The following ZDHHC15 variants were observed in gnomAD, a reference collection of about 807,000 sequenced individuals.
ZDHHC15 encodes the protein palmitoyltransferase ZDHHC15.
ZDHHC15 carries 19 observed loss-of-function variants against 31.7 expected under a neutral mutation model. The ratio of observed to expected loss-of-function variants is 0.60; its 90% confidence interval spans 0.42 to 0.88. ZDHHC15 has a LOEUF of 0.88. Ranked by LOEUF, ZDHHC15 falls within the 40% of genes least tolerant of loss-of-function variation. The pLI, the probability that ZDHHC15 is intolerant of heterozygous loss-of-function variation, is 0.00. For missense variants in ZDHHC15, 209 were observed against 251.2 expected (o/e 0.83, Z 1.14); for synonymous variants, 103 against 90.0 (o/e 1.14, Z -0.82).
At chrX:75,444,820 G>A (rs747429826) in intron 4 of ZDHHC15, among the ~76,000 whole-genome samples, 18 of 106,534 alleles carry the variant, frequency 1.7e-4, no homozygotes, top group Middle Eastern at 4.9e-3. Context: ...AAAATTCAGA[G>A]GAAGGGAGAA....
chrX:75,396,009 G>T (rs1023908840), intron 10 of ZDHHC15, among the ~76,000 whole-genome samples: 1 of 112,069 alleles, frequency 8.9e-6, no homozygotes, highest in Non-Finnish European at 1.9e-5. Flanking sequence ...ATAGATTAAA[G>T]ACCTAACTCT....
intron 9 of ZDHHC15, among the ~76,000 whole-genome samples, chrX:75,420,391 G>C (rs1326220253): frequency 9.0e-6 from 1 of 111,541 alleles, no homozygotes; most frequent in African/African-American, 3.3e-5. Context: ...GTGGAAGACT[G>C]TGTGGCAATT....
At chrX:75,419,790 T>A (rs1198166779) in intron 9 of ZDHHC15, among the ~76,000 whole-genome samples, 1 of 108,446 alleles carries the variant, frequency 9.2e-6, no homozygotes, top group Admixed American at 9.9e-5. Flanking sequence ...TGAGTTCATG[T>A]CCTTTGTAGG....
chrX:75,387,466 A>C (rs1282016844), intron 10 of ZDHHC15, among the ~76,000 whole-genome samples: 1 of 112,066 alleles, frequency 8.9e-6, no homozygotes, highest in African/African-American at 3.2e-5. Context: ...ATAGTTAATA[A>C]AAAATTTAAA....
At chrX:75,442,689 G>GA (rs1298971669) in intron 4 of ZDHHC15, among the ~76,000 whole-genome samples, 2 of 111,977 alleles carry the variant, frequency 1.8e-5, no homozygotes, top group African/African-American at 3.2e-5. Context: ...CTCATGGATA[G>GA]AAAAAATCAA....
intron 11 of ZDHHC15, among the ~76,000 whole-genome samples, chrX:75,375,660 A>T (rs1197483681): frequency 9.0e-6 from 1 of 111,499 alleles, no homozygotes; most frequent in Non-Finnish European, 1.9e-5. Flanking sequence ...AACATGCATT[A>T]TTTGGTTTCC....
intron 3 of ZDHHC15, among the ~76,000 whole-genome samples, chrX:75,455,637 C>A (rs1430907072): frequency 8.9e-6 from 1 of 111,782 alleles, no homozygotes; most frequent in African/African-American, 3.2e-5. Context: ...GGGCTAATAT[C>A]CAGAATCTAC....
intron 2 of ZDHHC15, among the ~76,000 whole-genome samples, chrX:75,495,905 C>T (rs1295485268): frequency 4.8e-5 from 5 of 104,640 alleles, no homozygotes; most frequent in Non-Finnish European, 9.7e-5. Context: ...ACATTGTGCA[C>T]ATGTACCATA....
At chrX:75,510,673 CCACT>C (rs2085254024) in intron 1 of ZDHHC15, among the ~76,000 whole-genome samples, 1 of 85,607 alleles carries the variant, frequency 1.2e-5, no homozygotes, top group African/African-American at 4.2e-5. Flanking sequence ...TGCGCTGCAC[CCACT>C]AACGTGTCAT....
chrX:75,415,529 C>T (rs1277425217), intron 10 of ZDHHC15, among the ~76,000 whole-genome samples: 1 of 111,861 alleles, frequency 8.9e-6, no homozygotes, highest in Non-Finnish European at 1.9e-5. Flanking sequence ...ATGTACTTGT[C>T]CAAAGGAGAG....
intron 8 of ZDHHC15, 99 bp downstream of exon 8, chrX:75,424,553 A>T: frequency 1.1e-6 from 1 of 899,267 alleles, no homozygotes; most frequent in Non-Finnish European, 1.5e-6. Context: ...ATGTCACTGC[A>T]GCTAAAATGC....
intron 3 of ZDHHC15, among the ~76,000 whole-genome samples, chrX:75,455,062 C>A (rs749480040): frequency 8.9e-6 from 1 of 111,819 alleles, no homozygotes; most frequent in South Asian, 3.7e-4. Flanking sequence ...ATTGCCAAGA[C>A]AATCCTAAGC....
chrX:75,494,898 G>A (rs888956794), intron 2 of ZDHHC15, among the ~76,000 whole-genome samples: 11 of 111,621 alleles, frequency 9.9e-5, no homozygotes, highest in South Asian at 3.7e-4. Context: ...CTAAAACACC[G>A]AAAGCAATTG....
At chrX:75,462,564 T>TAACA in intron 3 of ZDHHC15, among the ~76,000 whole-genome samples, 1 of 111,855 alleles carries the variant, frequency 8.9e-6, no homozygotes, top group Non-Finnish European at 1.9e-5. Context: ...ACTGAAATCA[T>TAACA]AACAGTCTCT....
chrX:75,501,710 T>A (rs1014246023), intron 2 of ZDHHC15: 12 of 110,317 alleles, frequency 1.1e-4, no homozygotes, highest in African/African-American at 3.9e-4. Flanking sequence ...GATATTGAGC[T>A]TTTATTCACA....
chrX:75,392,718 T>C (rs912602108), intron 10 of ZDHHC15, among the ~76,000 whole-genome samples: 1 of 112,174 alleles, frequency 8.9e-6, no homozygotes, highest in Non-Finnish European at 1.9e-5. Context: ...TGTCACATGA[T>C]AAAGGAGAAA....
chrX:75,455,314 T>C (rs777200108), intron 3 of ZDHHC15, among the ~76,000 whole-genome samples: 1 of 111,764 alleles, frequency 8.9e-6, no homozygotes, highest in African/African-American at 3.2e-5. Context: ...TAGCTAGCCA[T>C]ATGTAGAAAG....
At position 75,468,170 on chromosome X, in the gene ZDHHC15, C is replaced by T. The variant is rs181637994; in HGVS notation, c.258+10721G>A. Among the ~76,000 whole-genome samples the T allele has an allele frequency of 6.2e-4, 68 of 109,645 alleles. 1 individual carries two copies. Among genetic ancestry groups the T allele is most frequent in the Middle Eastern group, 9.3e-3 (2 of 215 alleles). On this transcript the variant is annotated intron_variant, in intron 3 of 11. Coordinates refer to ENST00000373367, the MANE Select transcript of ZDHHC15 (RefSeq NM_144969.3). ...AAGCGACTCTCCTGCCTCCGCCTCC[C>T]GAGTAACTGGGATTACAGGCATGCA...
At chrX:75,476,872 C>T (rs990101284) in intron 3 of ZDHHC15, among the ~76,000 whole-genome samples, 11 of 109,624 alleles carry the variant, frequency 1.0e-4, no homozygotes, top group Admixed American at 7.9e-4. Context: ...TTTTCTATTC[C>T]TCATTTTGTT....
Sources: allele counts gnomAD v4.1 joint callset (sites outside exome capture counted in the v4.1 genomes callset), GRCh38; gene constraint gnomAD v4.1.1; transcripts MANE v1.5; gene names NCBI Gene and HGNC (gene_info 2026-07-23, HGNC 2026-07-21).